Variants in CCAR1 observed in about 807,000 individuals in gnomAD.
CCAR1 encodes cell division cycle and apoptosis regulator protein 1.
In CCAR1, 78 loss-of-function variants were observed where a neutral mutation model predicts 163.8. That is an observed-to-expected ratio of 0.48 (90% CI 0.40 to 0.57). The LOEUF is 0.57. CCAR1 is among the 20% of genes least tolerant of loss of function. The pLI is 0.00. For synonymous variants in CCAR1, 443 were observed against 460.7 expected (o/e 0.96, Z 0.49); for missense variants, 1,019 against 1,365.2 (o/e 0.75, Z 4.00).
intron 2 of CCAR1, among the ~76,000 whole-genome samples, chr10:68,729,024 G>T (rs1442825844): frequency 3.3e-5 from 5 of 151,550 alleles, no homozygotes; most frequent in African/African-American, 7.3e-5. Context: ...CATCTGCTTT[G>T]TATAATATGA....
chr10:68,722,903 CAGAG>C (rs2055879880), intron 2 of CCAR1, among the ~76,000 whole-genome samples: 2 of 151,840 alleles, frequency 1.3e-5, no homozygotes, highest in Admixed American at 6.6e-5. Context: ...GCCTGGGCGA[CAGAG>C]AGATACTCCG....
intron 22 of CCAR1, 24 bp downstream of exon 22, chr10:68,788,071 C>A: frequency 6.4e-7 from 1 of 1,560,808 alleles, no homozygotes; most frequent in Non-Finnish European, 8.6e-7. Context: ...TAAGATTTTG[C>A]TTTTTAATAA....
intron 19 of CCAR1, among the ~76,000 whole-genome samples, chr10:68,777,810 T>TAATC (rs2056686345): frequency 6.6e-6 from 1 of 152,136 alleles, no homozygotes; most frequent in South Asian, 2.1e-4. Flanking sequence ...TGCATGCCTG[T>TAATC]AATCCCAGCT....
At chr10:68,725,776 C>G (rs2055934956) in intron 2 of CCAR1, among the ~76,000 whole-genome samples, 1 of 151,950 alleles carries the variant, frequency 6.6e-6, no homozygotes, top group South Asian at 2.1e-4. Flanking sequence ...CTTCAGTGTT[C>G]CAAAATTTGA....
At chr10:68,769,253 C>T (rs1162959) in intron 17 of CCAR1, among the ~76,000 whole-genome samples, 100,682 of 152,090 alleles carry the variant, frequency 0.66, 34,019 homozygotes, top group Non-Finnish European at 0.73. Context: ...GGATTACAGG[C>T]ACGAACCACC....
intron 5 of CCAR1, among the ~76,000 whole-genome samples, chr10:68,741,698 T>G (rs1197255549): frequency 6.6e-6 from 1 of 152,222 alleles, no homozygotes; most frequent in African/African-American, 2.4e-5. Flanking sequence ...TATGCATATT[T>G]GAATAAAACA....
chr10:68,740,560 T>C (rs1019530557), intron 4 of CCAR1, 69 bp from the exon 5 acceptor site: 18 of 1,176,496 alleles, frequency 1.5e-5, no homozygotes, highest in African/African-American at 1.2e-4. Flanking sequence ...TTATTTCTTT[T>C]ATGAAGCATC....
At chr10:68,767,310 C>T (rs1024188606) in intron 17 of CCAR1, among the ~76,000 whole-genome samples, 3 of 151,914 alleles carry the variant, frequency 2.0e-5, no homozygotes, top group Non-Finnish European at 4.4e-5. Flanking sequence ...CTTTGTTGCC[C>T]AGAATGGAAT....
chr10:68,751,878 A>C (rs2056336041), intron 10 of CCAR1, among the ~76,000 whole-genome samples: 1 of 150,870 alleles, frequency 6.6e-6, no homozygotes, highest in Non-Finnish European at 1.5e-5. Context: ...TAAAAAACTA[A>C]TAATAATAAA....
intron 10 of CCAR1, among the ~76,000 whole-genome samples, chr10:68,751,564 T>C (rs1045866486): frequency 6.6e-6 from 1 of 152,026 alleles, no homozygotes; most frequent in Non-Finnish European, 1.5e-5. Flanking sequence ...TAGCTTCTTC[T>C]CAATTAGACC....
Position 68,722,485 on chromosome 10 carries a change from G to A in CCAR1, c.-20G>A, listed in dbSNP as rs778144168. Reference sequence around the variant, plus strand: ...TGCTATAGAAGACAAACAAGGGAAGGTTTTTTTTCCTTTTGCATCATGGCT... The same window carrying A: ...TGCTATAGAAGACAAACAAGGGAAGATTTTTTTTCCTTTTGCATCATGGCT... On this transcript the variant is annotated 5_prime_UTR_variant, in exon 2 of 25. Transcript: ENST00000265872. 1.2e-6 allele frequency: 2 copies of A among 1,605,226 alleles called. No individual in the cohort carries two copies. The highest frequency in any genetic ancestry group is 2.2e-5 in the East Asian group (1 of 44,826).
intron 2 of CCAR1, among the ~76,000 whole-genome samples, chr10:68,727,562 T>G (rs2055967474): frequency 6.6e-6 from 1 of 152,204 alleles, no homozygotes; most frequent in South Asian, 2.1e-4. Flanking sequence ...TAGGATGGTA[T>G]TCAAGGTCTT....
chr10:68,786,872 G>A (rs543013926), intron 21 of CCAR1, 180 bp downstream of exon 21: 2 of 476,852 alleles, frequency 4.2e-6, no homozygotes, highest in African/African-American at 2.1e-5. Flanking sequence ...ATCAGTTGAG[G>A]CCAGGAGTTT....
At chr10:68,743,809 G>T (rs546479864) in intron 6 of CCAR1, among the ~76,000 whole-genome samples, 1 of 152,198 alleles carries the variant, frequency 6.6e-6, no homozygotes, top group South Asian at 2.1e-4. Flanking sequence ...GGAGTGCAGT[G>T]GTGCGATCTC....
chr10:68,789,718 G>T lies in CCAR1; in HGVS notation c.3196G>T (p.Glu1066Ter). The change falls in exon 24 of 25, where the codon GAA becomes TAA. Residue 1066 changes from glutamate (E) to a stop codon, truncating the protein, a stop_gained. Coordinates refer to ENST00000265872, the MANE Select transcript of CCAR1 (RefSeq NM_018237.4). LOFTEE classifies it high-confidence loss of function. ...QLLEEKTDED[E>*]KTILNLENSN... ...TGGATTTTTTTAAACAGATGAAGAT[G>T]AAAAAACCATATTAAATTTGGAGAA... is the stretch of plus-strand genomic sequence containing the variant. 6.4e-7 allele frequency: 1 copy of T among 1,562,638 alleles called. No individual in the cohort carries two copies. Among genetic ancestry groups the T allele is most frequent in the Non-Finnish European group, 8.6e-7 (1 of 1,159,708 alleles).
At chr10:68,760,310 G>C (rs2056452488) in intron 15 of CCAR1, among the ~76,000 whole-genome samples, 1 of 152,076 alleles carries the variant, frequency 6.6e-6, no homozygotes, top group Non-Finnish European at 1.5e-5. Context: ...ACCACACCTG[G>C]CTAATTTATG....
At chr10:68,763,296 A>G (rs1037381087) in intron 16 of CCAR1, among the ~76,000 whole-genome samples, 14 of 150,866 alleles carry the variant, frequency 9.3e-5, no homozygotes, top group African/African-American at 2.7e-4. Flanking sequence ...GACTACAGGC[A>G]TGCACCACCA....
chr10:68,784,342 A>T (rs1386292942), intron 19 of CCAR1, among the ~76,000 whole-genome samples: 1 of 151,682 alleles, frequency 6.6e-6, no homozygotes, highest in Non-Finnish European at 1.5e-5. Context: ...CAGCCTCCTG[A>T]GTATCTGGGA....
At chr10:68,760,957 GC>G in intron 15 of CCAR1, 49 bp from the exon 16 acceptor site, 1 of 272,784 alleles carries the variant, frequency 3.7e-6, no homozygotes, top group Non-Finnish European at 6.9e-6. Flanking sequence ...GCTGCCCCCC[GC>G]CCCCCGCCAC....
Sources: allele counts gnomAD v4.1 joint callset (sites outside exome capture counted in the v4.1 genomes callset), GRCh38; gene constraint gnomAD v4.1.1; transcripts MANE v1.5; gene names NCBI Gene and HGNC (gene_info 2026-07-23, HGNC 2026-07-21).